The following THRB variants were observed in gnomAD, a reference collection of about 807,000 sequenced individuals.
The protein encoded by THRB is nuclear receptor subfamily 1 group A member 2.
In THRB, 12 loss-of-function variants were observed where a neutral mutation model predicts 47.8. The observed-to-expected ratio is 0.25, with a 90% CI of 0.16 to 0.41. THRB has a LOEUF of 0.41. Among genes scored for constraint, THRB ranks in the 10% least tolerant of loss-of-function variants. The probability of loss-of-function intolerance (pLI) is 1.00; values close to 1 mark genes in which losing one functional copy is unlikely to be tolerated. For synonymous variants in THRB, 218 were observed against 212.2 expected (o/e 1.03, Z -0.24); for missense variants, 348 against 589.2 (o/e 0.59, Z 4.24).
intron 3 of THRB, among the ~76,000 whole-genome samples, chr3:24,291,382 T>C (rs1262673260): frequency 6.6e-6 from 1 of 152,154 alleles, no homozygotes; most frequent in African/African-American, 2.4e-5. Context: ...GCTTCATCAG[T>C]GTTTCTGTGC....
At chr3:24,232,824 C>G (rs1430436573) in intron 3 of THRB, among the ~76,000 whole-genome samples, 1 of 152,148 alleles carries the variant, frequency 6.6e-6, no homozygotes, top group Non-Finnish European at 1.5e-5. Context: ...GAGGTAGAAA[C>G]AAGACTTGTG....
intron 4 of THRB, among the ~76,000 whole-genome samples, chr3:24,202,658 T>C (rs1159587758): frequency 6.6e-6 from 1 of 152,226 alleles, no homozygotes; most frequent in Non-Finnish European, 1.5e-5. Context: ...GAGTTTATGA[T>C]ACTGAGCGTC....
chr3:24,299,249 T>TAAAAAAAAAAAAA (rs36061929), intron 2 of THRB, among the ~76,000 whole-genome samples: 1 of 70,190 alleles, frequency 1.4e-5, no homozygotes, highest in Non-Finnish European at 2.5e-5. Context: ...CTCAGTCTCA[T>TAAAAAAAAAAAAA]AAAAAAAAAA....
intron 1 of THRB, among the ~76,000 whole-genome samples, chr3:24,373,074 CT>C (rs1218277945): frequency 6.6e-6 from 1 of 152,002 alleles, no homozygotes; most frequent in African/African-American, 2.4e-5. Context: ...AATTAAAACC[CT>C]TTGTATTCCA....
Position 24,218,004 on chromosome 3 carries a change from C to T in THRB, c.22+10934G>A, listed in dbSNP as rs538719104. On this transcript the variant is annotated intron_variant, in intron 4 of 10. Transcript: ENST00000646209. ...TTTCCTGGCCGGGTGCTGTGGCTCA[C>T]GCCTGTAGTCCCAGCACTTTGGGAG... 1.1e-4 allele frequency among the ~76,000 whole-genome samples: 16 copies of T among 152,240 alleles called. No homozygotes were observed. The South Asian group carries it at 1.7e-3, about 16-fold the overall frequency.
chr3:24,348,082 T>G (rs1425663477), intron 1 of THRB, among the ~76,000 whole-genome samples: 1 of 152,130 alleles, frequency 6.6e-6, no homozygotes, highest in Admixed American at 6.6e-5. Context: ...GAAGAAAAAG[T>G]AAACAAAGTG....
chr3:24,284,603 C>T (rs2055036026), intron 3 of THRB, among the ~76,000 whole-genome samples: 1 of 150,724 alleles, frequency 6.6e-6, no homozygotes, highest in African/African-American at 2.5e-5. Context: ...AACTAAAGAG[C>T]TTCTGCACAG....
chr3:24,472,538 C>T (rs890957098), intron 1 of THRB, among the ~76,000 whole-genome samples: 2 of 151,914 alleles, frequency 1.3e-5, no homozygotes, highest in African/African-American at 4.9e-5. Context: ...TCTCCTCCTA[C>T]TCTCTCTGCC....
At chr3:24,155,526 A>G (rs557166825) in intron 5 of THRB, among the ~76,000 whole-genome samples, 1 of 152,346 alleles carries the variant, frequency 6.6e-6, no homozygotes, top group African/African-American at 2.4e-5. Context: ...TCCCACACAT[A>G]GTGACTAGGT....
At position 24,126,991 on chromosome 3, in the gene THRB, T is replaced by C. The variant is rs143214116; in HGVS notation, c.1144+508A>G. On this transcript the variant is annotated intron_variant, in intron 10 of 10. Coordinates refer to ENST00000646209, the MANE Select transcript of THRB (RefSeq NM_001354712.2). Reference sequence around the variant, plus strand: ...GAGGGAGGCCTGAACCAGTGTTTGATGTCCCAGCTGAACTCCAGCCATCTT... The same window carrying C: ...GAGGGAGGCCTGAACCAGTGTTTGACGTCCCAGCTGAACTCCAGCCATCTT... Among the ~76,000 whole-genome samples, 258 of 152,370 alleles carry C rather than the reference T, an allele frequency of 1.7e-3. 3 individuals carry two copies. The highest frequency in any genetic ancestry group is 5.7e-3 in the African/African-American group (237 of 41,600).
At chr3:24,407,635 A>T (rs1007699807) in intron 1 of THRB, among the ~76,000 whole-genome samples, 2 of 151,830 alleles carry the variant, frequency 1.3e-5, no homozygotes, top group Admixed American at 1.3e-4. Flanking sequence ...ATGAATCTAG[A>T]CCCTCTTACT....
intron 1 of THRB, among the ~76,000 whole-genome samples, chr3:24,482,544 T>C (rs1194901176): frequency 2.0e-5 from 3 of 147,460 alleles, no homozygotes; most frequent in Non-Finnish European, 3.0e-5. Flanking sequence ...TCTCCCTCTC[T>C]CTCTCTCTCT....
intron 1 of THRB, among the ~76,000 whole-genome samples, chr3:24,337,851 G>A (rs1162909566): frequency 6.6e-6 from 1 of 152,212 alleles, no homozygotes; most frequent in African/African-American, 2.4e-5. Flanking sequence ...GTGGGGAAGC[G>A]ATGGGTTCCT....
At chr3:24,134,822 C>G (rs2034404386) in intron 8 of THRB, among the ~76,000 whole-genome samples, 1 of 152,140 alleles carries the variant, frequency 6.6e-6, no homozygotes, top group East Asian at 1.9e-4. Context: ...GACCAGTTCT[C>G]TTTTCCGCAC....
intron 1 of THRB, among the ~76,000 whole-genome samples, chr3:24,434,074 T>C (rs2070709269): frequency 6.6e-6 from 1 of 152,140 alleles, no homozygotes; most frequent in Non-Finnish European, 1.5e-5. Flanking sequence ...CTGAATTCTC[T>C]AGTGCCAACT....
rs1257140813 is a variant in THRB, at chr3:24,119,759, C to T, written c.*3125G>A. The stretch of plus-strand genomic sequence containing the variant: ...CTCTAGAAAAAGCTCTGAGGCGGCA[C>T]GTGGTGTTTTGAGCAGAATCATAAA... On this transcript the variant is annotated 3_prime_UTR_variant, in exon 11 of 11. Transcript: ENST00000646209. 3 of 152,154 alleles carry T rather than the reference C, an allele frequency of 2.0e-5. No homozygotes were observed. The highest frequency in any genetic ancestry group is 1.9e-4 in the East Asian group (1 of 5,186). The allele number at this position is 152,154 out of a possible 1,614,324, so 9.4% of individuals were successfully genotyped here. A position where few individuals can be genotyped will look rare whatever the true frequency, so the allele number is the denominator to read the frequency against.
intron 6 of THRB, among the ~76,000 whole-genome samples, chr3:24,150,363 A>G (rs935659932): frequency 6.6e-6 from 1 of 152,166 alleles, no homozygotes; most frequent in African/African-American, 2.4e-5. Flanking sequence ...TTTTTCCAAG[A>G]TGCTTTGTCA....
At chr3:24,421,174 A>G (rs1265093603) in intron 1 of THRB, among the ~76,000 whole-genome samples, 1 of 151,854 alleles carries the variant, frequency 6.6e-6, no homozygotes, top group Admixed American at 6.6e-5. Context: ...ATAGAGGGGA[A>G]CAATAGACAG....
Position 24,134,125 on chromosome 3 carries a change from G to T in THRB, c.739-663C>A, listed in dbSNP as rs909932734. ...AGTTCTCTGCTGTTTACTTGCTCAA[G>T]AACAATCCATGGCCTTGTTGCTCAA... On this transcript the variant is annotated intron_variant, in intron 8 of 10. Transcript: ENST00000646209. Among the ~76,000 whole-genome samples, 3 of 152,288 alleles carry T rather than the reference G, an allele frequency of 2.0e-5. No homozygotes were observed. The South Asian group carries it at 6.2e-4, about 32-fold the overall frequency.
Sources: gnomAD v4.1 joint callset for allele counts (sites outside exome capture counted in the v4.1 genomes callset) on GRCh38, gnomAD v4.1.1 for gene constraint, MANE v1.5 for transcripts, NCBI Gene and HGNC (gene_info 2026-07-23, HGNC 2026-07-21) for gene names.